The following DNAJA3 variants were observed in gnomAD, a reference collection of about 807,000 sequenced individuals.
DNAJA3 encodes dnaJ homolog subfamily A member 3, mitochondrial.
In DNAJA3, 29 loss-of-function variants were observed where a neutral mutation model predicts 54.9. The ratio of observed to expected loss-of-function variants is 0.53; its 90% confidence interval spans 0.39 to 0.72. The LOEUF (loss-of-function observed/expected upper bound fraction) is 0.72, where lower values mean the gene tolerates loss of function less well. Among genes scored for constraint, DNAJA3 ranks in the 30% least tolerant of loss-of-function variants. The probability of loss-of-function intolerance (pLI) is 0.00; values close to 1 mark genes in which losing one functional copy is unlikely to be tolerated. For synonymous variants in DNAJA3, 302 were observed against 251.4 expected (o/e 1.20, Z -1.90); for missense variants, 708 against 639.4 (o/e 1.11, Z -1.16).
chr16:4,437,127 C>T (rs1183399712), intron 2 of DNAJA3, among the ~76,000 whole-genome samples: 10 of 152,080 alleles, frequency 6.6e-5, no homozygotes, highest in East Asian at 1.9e-4. Context: ...TGTGCCACCA[C>T]GCCTGACTAA....
At chr16:4,429,696 T>G (rs2056670775) in intron 1 of DNAJA3, among the ~76,000 whole-genome samples, 1 of 152,016 alleles carries the variant, frequency 6.6e-6, no homozygotes, top group Non-Finnish European at 1.5e-5. Context: ...TAGCCAGGCC[T>G]GGTGGCGCAT....
At chr16:4,433,839 CT>C (rs2141373012) in intron 1 of DNAJA3, 1 of 154,824 alleles carries the variant, frequency 6.5e-6, no homozygotes, top group Admixed American at 6.5e-5. Context: ...ATCCAATACT[CT>C]GACATAGTTT....
Position 4,426,145 on chromosome 16 carries a change from G to C in DNAJA3, c.211+53G>C, listed in dbSNP as rs2056619608. The C allele has an allele frequency of 2.0e-6, 3 of 1,468,694 alleles. No homozygotes were observed. The Admixed American group carries it at 6.9e-5, about 34-fold the overall frequency. 91.0% of individuals were successfully genotyped at this position (1,468,694 alleles called of 1,614,324 possible). A position where few individuals can be genotyped will look rare whatever the true frequency, so the allele number is the denominator to read the frequency against. ...GCGGTTTCAGGGCCTAGAAAAGAGT[G>C]AGTCTCCTCGCTGTGACTACGGCTG... On this transcript the variant is annotated intron_variant, in intron 1 of 11. Coordinates refer to ENST00000262375, the MANE Select transcript of DNAJA3 (RefSeq NM_005147.6).
At chr16:4,453,945 T>G (rs1171639279) in intron 10 of DNAJA3, among the ~76,000 whole-genome samples, 1 of 152,234 alleles carries the variant, frequency 6.6e-6, no homozygotes, top group Admixed American at 6.5e-5. Flanking sequence ...CAGGTCTATA[T>G]TCTAACTCAC....
At chr16:4,437,114 G>T (rs978226277) in intron 2 of DNAJA3, among the ~76,000 whole-genome samples, 1 of 152,142 alleles carries the variant, frequency 6.6e-6, no homozygotes, top group Non-Finnish European at 1.5e-5. Flanking sequence ...GGGACCACAG[G>T]CATGTGCCAC....
chr16:4,446,904 T>C lies in DNAJA3; in HGVS notation c.1015T>C (p.Phe339Leu). The change falls in exon 8 of 12, where the codon TTC (phenylalanine) becomes CTC (leucine). Residue 339 changes from phenylalanine to leucine, a missense_variant. By Grantham distance (22) the Phe-to-Leu change is conservative. Coordinates refer to ENST00000262375, the MANE Select transcript of DNAJA3 (RefSeq NM_005147.6). ...ITFRVQKSPV[F>L]RRDGADIHSD... is the part of the protein sequence containing the mutation. ...GCCTTAGGTGCAGAAAAGCCCTGTG[T>C]TCCGGAGGGACGGCGCAGACATCCA... 6.2e-7 allele frequency: 1 copy of C among 1,614,150 alleles called. No homozygotes were observed. The highest frequency in any genetic ancestry group is 8.5e-7 in the Non-Finnish European group (1 of 1,180,032).
chr16:4,443,210 C>A (rs1207197608), intron 6 of DNAJA3, 46 bp downstream of exon 6: 1 of 1,608,208 alleles, frequency 6.2e-7, no homozygotes, highest in South Asian at 1.1e-5. Context: ...AGAGGGCAGA[C>A]AGGGTTGAGG....
chr16:4,455,531 A>T lies in DNAJA3; in HGVS notation c.*14-15A>T. The T allele has an allele frequency of 1.9e-6, 3 of 1,551,736 alleles. No homozygotes were observed. The highest frequency in any genetic ancestry group is 2.6e-6 in the Non-Finnish European group (3 of 1,146,948). ...AATGTTGAGTATAAGGTAACAGCCT[A>T]TCTCTTTGGCTCAGGAAAAAGATCC... On this transcript the variant is annotated splice_polypyrimidine_tract_variant and intron_variant, in intron 11 of 11. Coordinates refer to ENST00000262375, the MANE Select transcript of DNAJA3 (RefSeq NM_005147.6).
chr16:4,432,256 C>G (rs2056712443), intron 1 of DNAJA3, among the ~76,000 whole-genome samples: 1 of 150,966 alleles, frequency 6.6e-6, no homozygotes, highest in Non-Finnish European at 1.5e-5. Flanking sequence ...CTCCTGGGCT[C>G]AAGCGATCCT....
rs1254684407 is a variant in DNAJA3 at position 4,443,040 on chromosome 16, T to C, written c.807T>C (p.Phe269=). 6.2e-7 allele frequency: 1 copy of C among 1,614,032 alleles called. No homozygotes were observed. Among genetic ancestry groups the C allele is most frequent in the Non-Finnish European group, 8.5e-7 (1 of 1,180,032 alleles). The change falls in exon 6 of 12, where the codon TTT becomes TTC. Residue 269 remains phenylalanine (F), a synonymous_variant. Coordinates refer to ENST00000262375, the MANE Select transcript of DNAJA3 (RefSeq NM_005147.6). ...AGGAAACCATCAACACAGGCCCTTT[T>C]GTGATGCGTTCCACGTGTAGGAGAT... ...SGMETINTGP[F]VMRSTCRRCG...
intron 8 of DNAJA3, among the ~76,000 whole-genome samples, chr16:4,448,333 T>C (rs111970085): frequency 1.3e-5 from 2 of 149,918 alleles, no homozygotes; most frequent in Non-Finnish European, 3.0e-5. Flanking sequence ...CCTTTTTTTT[T>C]ACCCACCCCC....
chr16:4,443,221 C>G, intron 6 of DNAJA3, 57 bp downstream of exon 6: 1 of 1,598,532 alleles, frequency 6.3e-7, no homozygotes, highest in Non-Finnish European at 8.5e-7. Flanking sequence ...AGGGTTGAGG[C>G]TACCACACCG....
At chr16:4,451,060 G>C (rs925267056) in intron 10 of DNAJA3, among the ~76,000 whole-genome samples, 4 of 152,140 alleles carry the variant, frequency 2.6e-5, no homozygotes, top group African/African-American at 9.7e-5. Context: ...TCGTGCTAGC[G>C]AGTGGCTGTG....
At chr16:4,436,829 C>G (rs2056777819) in intron 2 of DNAJA3, among the ~76,000 whole-genome samples, 1 of 152,192 alleles carries the variant, frequency 6.6e-6, no homozygotes, top group Non-Finnish European at 1.5e-5. Context: ...AGCCACTGCG[C>G]CCGGCCCCCT....
chr16:4,448,141 C>T (rs1417622352), intron 8 of DNAJA3, among the ~76,000 whole-genome samples: 2 of 150,106 alleles, frequency 1.3e-5, no homozygotes, highest in African/African-American at 4.9e-5. Context: ...CGATTCCCAC[C>T]TCAGCCTCCT....
At position 4,450,442 on chromosome 16, in the gene DNAJA3, C is replaced by T. The variant is rs553155180; in HGVS notation, c.1284C>T (p.Ala428=). Residue 428 remains alanine, a synonymous_variant, in exon 10 of 12, where the codon GCC becomes GCT. Coordinates refer to ENST00000262375, the MANE Select transcript of DNAJA3 (RefSeq NM_005147.6). ...AGCAGAGCCTGATCCTGAGCTACGC[C>T]GAGGACGAGACAGATGTGGAGGGGA... is the stretch of plus-strand genomic sequence containing the variant. ...SRQQSLILSY[A]EDETDVEGTV... 8.1e-6 allele frequency: 13 copies of T among 1,612,202 alleles called. No homozygotes were observed. In the East Asian group the frequency reaches 1.1e-4, roughly 14 times the overall value.
intron 8 of DNAJA3, 99 bp from the exon 9 acceptor site, chr16:4,448,634 T>C: frequency 2.4e-6 from 2 of 850,362 alleles, no homozygotes; most frequent in Non-Finnish European, 3.8e-6. Context: ...GTGGTAGTTC[T>C]TTTCAAGGAA....
intron 3 of DNAJA3, 112 bp from the exon 4 acceptor site, chr16:4,441,261 GCA>G: frequency 1.0e-6 from 1 of 962,966 alleles, no homozygotes; most frequent in African/African-American, 1.6e-5. Flanking sequence ...GGATGTGTTT[GCA>G]CACAGGGCCA....
At chr16:4,426,133 C>A in intron 1 of DNAJA3, 41 bp downstream of exon 1, 1 of 1,501,734 alleles carries the variant, frequency 6.7e-7, no homozygotes, top group Non-Finnish European at 8.9e-7. Context: ...GTTTCAGGGC[C>A]TAGAAAAGAG....
Sources: gnomAD v4.1 joint callset for allele counts (sites outside exome capture counted in the v4.1 genomes callset) on GRCh38, gnomAD v4.1.1 for gene constraint, MANE v1.5 for transcripts, NCBI Gene and HGNC (gene_info 2026-07-23, HGNC 2026-07-21) for gene names.